PCDHA10: variants seen among roughly 807,000 people sequenced by gnomAD.
PCDHA10 encodes protocadherin alpha 10, also known as protocadherin alpha-10.
Under a neutral mutation model 61.2 loss-of-function variants are expected in PCDHA10, and 45 were observed. The ratio of observed to expected loss-of-function variants is 0.74; its 90% CI spans 0.58 to 0.94. The LOEUF is 0.94. PCDHA10 is among the 40% of genes least tolerant of loss of function. The pLI is 0.00. For missense variants in PCDHA10, 1,278 were observed against 1,236.2 expected (o/e 1.03, Z -0.51); for synonymous variants, 602 against 548.8 (o/e 1.10, Z -1.35).
intron 1 of PCDHA10, among the ~76,000 whole-genome samples, chr5:140,918,552 A>G (rs1554198667): frequency 6.6e-6 from 1 of 152,206 alleles, no homozygotes; most frequent in Admixed American, 6.5e-5. Context: ...TGTGCAATTG[A>G]GAAGAATGTA....
intron 1 of PCDHA10, chr5:140,876,387 T>C (rs2056316391): frequency 6.2e-7 from 1 of 1,613,830 alleles, no homozygotes; most frequent in Admixed American, 1.7e-5. Flanking sequence ...TTAGAATTTA[T>C]GGTGAACTGG....
rs146952531 is a variant in PCDHA10 at position 140,951,754 on chromosome 5, G to A, written c.2389-27195G>A. Among the ~76,000 whole-genome samples the A allele has an allele frequency of 4.6e-3, 703 of 152,152 alleles. 3 individuals are homozygous for A. The highest frequency in any genetic ancestry group is 0.016 in the African/African-American group (681 of 41,502). ...TTCTGCCACTGCCCTCACCCTCCGC[G>A]AAATCTCATGACGTTCTTACATTGC... On this transcript the variant is annotated intron_variant, in intron 1 of 3. Transcript: ENST00000307360.
intron 3 of PCDHA10, among the ~76,000 whole-genome samples, chr5:140,983,660 A>G (rs1460631508): frequency 6.6e-6 from 1 of 152,244 alleles, no homozygotes; most frequent in African/African-American, 2.4e-5. Context: ...TAAGTGGCAG[A>G]GGGTAGGATT....
chr5:141,007,678 A>T (rs1472767852), intron 3 of PCDHA10, among the ~76,000 whole-genome samples: 1 of 152,236 alleles, frequency 6.6e-6, no homozygotes, highest in Non-Finnish European at 1.5e-5. Context: ...GACAAAAGTT[A>T]TCCTACTTCC....
chr5:140,989,132 C>T (rs943262599), intron 3 of PCDHA10: 2 of 152,216 alleles, frequency 1.3e-5, no homozygotes, highest in Admixed American at 1.3e-4. Context: ...AAATAAGACA[C>T]TTTATCCCTT....
intron 1 of PCDHA10, chr5:140,883,274 C>T (rs1554177451): frequency 1.9e-6 from 3 of 1,613,998 alleles, no homozygotes; most frequent in South Asian, 2.2e-5. Flanking sequence ...TCATTGTACC[C>T]TTTTGGTGGA....
chr5:140,948,889 AT>A (rs1263260325), intron 1 of PCDHA10, among the ~76,000 whole-genome samples: 2 of 151,468 alleles, frequency 1.3e-5, no homozygotes, highest in Non-Finnish European at 3.0e-5. Flanking sequence ...TCTCTTTTAG[AT>A]TTTAAGTGGA....
intron 3 of PCDHA10, 167 bp from the exon 4 acceptor site, chr5:141,009,460 T>C (rs1375350735): frequency 3.2e-6 from 3 of 950,276 alleles, no homozygotes; most frequent in African/African-American, 1.8e-5. Flanking sequence ...ATTAAACAAA[T>C]AAATAAATAA....
At chr5:140,970,650 ATTG>A (rs2096422935) in intron 1 of PCDHA10, among the ~76,000 whole-genome samples, 1 of 152,200 alleles carries the variant, frequency 6.6e-6, no homozygotes, top group South Asian at 2.1e-4. Flanking sequence ...ATAGTGATGA[ATTG>A]TTATCTTTCC....
intron 1 of PCDHA10, chr5:140,863,004 GC>G (rs781788283): frequency 1.8e-6 from 1 of 551,012 alleles, no homozygotes; most frequent in Non-Finnish European, 3.6e-6. Context: ...GTGGACTCCA[GC>G]TATGACGCCT....
chr5:140,876,618 T>C (rs781928314), intron 1 of PCDHA10: 7 of 1,614,074 alleles, frequency 4.3e-6, no homozygotes, highest in African/African-American at 1.3e-5. Flanking sequence ...CTGGAGCCAA[T>C]GGACAGGTCA....
intron 1 of PCDHA10, among the ~76,000 whole-genome samples, chr5:140,934,797 T>A (rs1045887352): frequency 6.6e-6 from 1 of 152,236 alleles, no homozygotes; most frequent in African/African-American, 2.4e-5. Context: ...CAATTATCTT[T>A]TTAATGATCA....
chr5:140,871,211 T>C (rs781784103), intron 1 of PCDHA10: 2 of 1,613,842 alleles, frequency 1.2e-6, no homozygotes, highest in Non-Finnish European at 1.7e-6. Context: ...ATCATCGCCA[T>C]CTGCGTGGTG....
intron 3 of PCDHA10, among the ~76,000 whole-genome samples, chr5:140,989,698 A>G (rs145222021): frequency 6.6e-6 from 1 of 152,344 alleles, no homozygotes; most frequent in African/African-American, 2.4e-5. Flanking sequence ...TGAAAATTTT[A>G]TCTTCAGAGG....
At chr5:140,884,493 C>G (rs782633321) in intron 1 of PCDHA10, 4 of 1,613,920 alleles carry the variant, frequency 2.5e-6, no homozygotes, top group South Asian at 1.1e-5. Context: ...CTAGTGTGCT[C>G]CAGCGCGGCA....
intron 1 of PCDHA10, chr5:140,866,649 T>C (rs1554160460): frequency 6.6e-6 from 1 of 152,162 alleles, no homozygotes; most frequent in South Asian, 2.1e-4. Context: ...AAAATTTATT[T>C]ATGTGTTTTC....
At chr5:140,956,665 G>A (rs1336658976) in intron 1 of PCDHA10, among the ~76,000 whole-genome samples, 3 of 152,004 alleles carry the variant, frequency 2.0e-5, no homozygotes, top group African/African-American at 7.2e-5. Context: ...TGGCCTTAAA[G>A]GAGTTAGGGA....
intron 3 of PCDHA10, among the ~76,000 whole-genome samples, chr5:140,983,123 G>A (rs781811003): frequency 2.0e-5 from 3 of 152,198 alleles, no homozygotes; most frequent in Non-Finnish European, 4.4e-5. Flanking sequence ...ACAACATTCT[G>A]CAGACTGACT....
intron 1 of PCDHA10, among the ~76,000 whole-genome samples, chr5:140,903,309 A>C (rs1435676177): frequency 6.6e-6 from 1 of 152,226 alleles, no homozygotes; most frequent in Non-Finnish European, 1.5e-5. Context: ...GTATACAATA[A>C]AGACAGCATT....
Sources: allele counts gnomAD v4.1 joint callset (sites outside exome capture counted in the v4.1 genomes callset), GRCh38; gene constraint gnomAD v4.1.1; transcripts MANE v1.5; gene names NCBI Gene and HGNC (gene_info 2026-07-23, HGNC 2026-07-21).